SLC27A5: variants seen among roughly 807,000 people sequenced by gnomAD.
The protein encoded by SLC27A5 is long-chain fatty acid transport protein 5.
In SLC27A5, 47 loss-of-function variants were observed where a neutral mutation model predicts 63.1. That is an observed-to-expected ratio of 0.74 (90% CI 0.59 to 0.95). The LOEUF is 0.95. SLC27A5 is among the 40% of genes least tolerant of loss of function. SLC27A5 has a pLI of 0.00. For missense variants in SLC27A5, 940 were observed against 921.0 expected, an observed-to-expected ratio of 1.02 and a Z score of -0.27; for synonymous variants, 391 against 403.8, an observed-to-expected ratio of 0.97 and a Z score of 0.38.
At chr19:58,509,611 G>C (rs1465273255) in intron 3 of SLC27A5, 1 of 415,208 alleles carries the variant, frequency 2.4e-6, no homozygotes, top group Non-Finnish European at 4.3e-6. Flanking sequence ...GGATGCCTGT[G>C]ACCATCACTC....
intron 1 of SLC27A5, 123 bp from the exon 2 acceptor site, chr19:58,511,053 G>T: frequency 3.1e-6 from 3 of 962,664 alleles, no homozygotes; most frequent in East Asian, 2.6e-5. Context: ...CATGTTGTTT[G>T]GTAAAGAATC....
intron 3 of SLC27A5, among the ~76,000 whole-genome samples, chr19:58,505,985 T>G (rs946896800): frequency 1.4e-4 from 21 of 150,682 alleles, no homozygotes; most frequent in Non-Finnish European, 2.4e-4. Context: ...ACCCTGTCTC[T>G]ACTAAAAATA....
chr19:58,511,009 G>T, intron 1 of SLC27A5, 79 bp from the exon 2 acceptor site: 3 of 1,178,614 alleles, frequency 2.5e-6, no homozygotes, highest in South Asian at 1.6e-5. Flanking sequence ...ACCCACAGAT[G>T]CAGGCAGAGG....
rs559467414 is a variant in SLC27A5 at position 58,510,806 on chromosome 19, C to T, written c.813G>A (p.Ala271=). 47 of 1,613,446 alleles carry T rather than the reference C, an allele frequency of 2.9e-5. No homozygotes were observed. The highest frequency in any genetic ancestry group is 1.9e-4 in the African/African-American group (14 of 75,004). ...VGALGAALDA[A]PSHPVPADLR... is the part of the protein sequence containing the mutation. ...GGTCAGCAGGCACTGGGTGGGAGGG[C>T]GCTGCATCCAGGGCAGCCCCCAGAG... The change falls in exon 2 of 10, where the codon GCG becomes GCA. Residue 271 remains alanine (A), a synonymous_variant. Transcript: ENST00000263093.
chr19:58,504,861 C>T (rs1221520937), intron 3 of SLC27A5, among the ~76,000 whole-genome samples: 1 of 151,594 alleles, frequency 6.6e-6, no homozygotes, highest in Non-Finnish European at 1.5e-5. Flanking sequence ...AAAAAAATAG[C>T]CAGGCGTGGT....
chr19:58,499,751 T>C lies in SLC27A5; in HGVS notation c.1469-61A>G, dbSNP rs1189139076. The C allele has an allele frequency of 4.5e-6, 7 of 1,539,936 alleles. No homozygotes were observed. The African/African-American group carries it at 6.9e-5, about 15-fold the overall frequency. Reference sequence around the variant, plus strand: ...CACCAGCCAAGCCCCCTGCTGGAGGTTTTCAACAACGGTGGACTCTTCATC... The same window carrying C: ...CACCAGCCAAGCCCCCTGCTGGAGGCTTTCAACAACGGTGGACTCTTCATC... On this transcript the variant is annotated intron_variant, in intron 6 of 9. Coordinates refer to ENST00000263093, the MANE Select transcript of SLC27A5 (RefSeq NM_012254.3).
At chr19:58,507,128 G>A (rs2122516679) in intron 3 of SLC27A5, among the ~76,000 whole-genome samples, 1 of 152,074 alleles carries the variant, frequency 6.6e-6, no homozygotes, top group South Asian at 2.1e-4. Context: ...GGAGGCTGAG[G>A]TGGGTGGATC....
rs1484403213 is a variant in SLC27A5 at position 58,511,708 on chromosome 19, C to G, written c.248G>C (p.Gly83Ala). ...LTLLPARLPPGLRWLPADVIF... is the reference protein window; with the variant it reads ...LTLLPARLPPALRWLPADVIF... ...CACATCAGCCGGCAGCCAGCGTAGT[C>G]CTGGGGGCAGCCGTGCTGGCAGGAG... The change falls in exon 1 of 10, where the codon GGA (glycine) becomes GCA (alanine). Residue 83 changes from glycine (G) to alanine (A), a missense_variant. Coordinates refer to ENST00000263093, the MANE Select transcript of SLC27A5 (RefSeq NM_012254.3). 1 of 1,562,352 alleles carries G rather than the reference C, an allele frequency of 6.4e-7. No homozygotes were observed. Among genetic ancestry groups the G allele is most frequent in the East Asian group, 2.4e-5 (1 of 42,214 alleles).
chr19:58,509,941 T>G lies in SLC27A5; in HGVS notation c.963A>C (p.Leu321Phe). Residue 321 changes from leucine (L) to phenylalanine (F), a missense_variant, in exon 3 of 10, where the codon TTA becomes TTC. Transcript: ENST00000263093. ...RVLQMSKMLS[L>F]SGATADDVVY... Reference sequence around the variant, plus strand: ...CCACATCATCAGCTGTGGCCCCAGATAAGGACAGCATCTTGCTCATCTGCA... The same window carrying G: ...CCACATCATCAGCTGTGGCCCCAGAGAAGGACAGCATCTTGCTCATCTGCA... The G allele has an allele frequency of 6.2e-7, 1 of 1,614,056 alleles. No homozygotes were observed. Among genetic ancestry groups the G allele is most frequent in the South Asian group, 1.1e-5 (1 of 91,080 alleles).
At chr19:58,502,641 TAGTG>T in intron 3 of SLC27A5, among the ~76,000 whole-genome samples, 1 of 119,852 alleles carries the variant, frequency 8.3e-6, no homozygotes, top group Admixed American at 8.7e-5. Context: ...GTGGACAGAG[TAGTG>T]AGTGAGAAGA....
chr19:58,510,222 A>G, intron 2 of SLC27A5: 1 of 503,860 alleles, frequency 2.0e-6, no homozygotes, highest in Middle Eastern at 5.2e-4. Context: ...TACTGGACAC[A>G]GGAAGAATTC....
In SLC27A5 at chr19:58,511,911, G is replaced by GAGTAGC; in HGVS notation, c.44_45insGCTACT (p.Leu16_Leu17dup). On this transcript the variant is annotated inframe_insertion, in exon 1 of 10. Transcript: ENST00000263093. ...CTGGCTGCCCCAGGCCCCAGAGCAG[G>GAGTAGC]AGCAGCAGCAGCAGCAGCAAGGCCA... 6.5e-7 allele frequency: 1 copy of GAGTAGC among 1,546,920 alleles called. No homozygotes were observed. Among genetic ancestry groups the GAGTAGC allele is most frequent in the African/African-American group, 1.4e-5 (1 of 73,142 alleles).
intron 3 of SLC27A5, among the ~76,000 whole-genome samples, chr19:58,502,550 A>G (rs1055717469): frequency 1.3e-5 from 1 of 74,134 alleles, no homozygotes; most frequent in African/African-American, 3.8e-5. Context: ...GTAGTGAGTG[A>G]GTGGATGGAT....
chr19:58,506,861 A>T (rs2053353601), intron 3 of SLC27A5, among the ~76,000 whole-genome samples: 1 of 151,802 alleles, frequency 6.6e-6, no homozygotes, highest in South Asian at 2.1e-4. Context: ...CAGTGGCCTC[A>T]GCTTCCCAAA....
intron 1 of SLC27A5, 84 bp from the exon 2 acceptor site, chr19:58,511,014 C>A: frequency 8.8e-7 from 1 of 1,139,178 alleles, no homozygotes; most frequent in East Asian, 2.5e-5. Flanking sequence ...CAGATGCAGG[C>A]AGAGGAGCAG....
chr19:58,504,574 G>GGGC (rs1491146072), intron 3 of SLC27A5, among the ~76,000 whole-genome samples: 5 of 2,386 alleles, frequency 2.1e-3, no homozygotes, highest in African/African-American at 3.8e-3. Context: ...ATTGAACCCT[G>GGGC]GGGGGGGGGG....
chr19:58,499,254 C>T (rs373204518), intron 7 of SLC27A5, 34 bp from the exon 8 acceptor site: 1 of 1,601,472 alleles, frequency 6.2e-7, no homozygotes, highest in Non-Finnish European at 8.5e-7. Flanking sequence ...GTGACCACGC[C>T]CCCGGGAAGG....
At chr19:58,510,618 G>A (rs1464135094) in intron 2 of SLC27A5, 103 bp downstream of exon 2, 2 of 994,498 alleles carry the variant, frequency 2.0e-6, no homozygotes, top group African/African-American at 1.7e-5. Flanking sequence ...AAAATCAGAG[G>A]GTAAAGTGGT....
chr19:58,500,733 G>T (rs777369677), intron 4 of SLC27A5, 27 bp from the exon 5 acceptor site: 1 of 1,601,720 alleles, frequency 6.2e-7, no homozygotes, highest in Non-Finnish European at 8.5e-7. Context: ...AGAAGGGTGA[G>T]GAGGAGGTGC....
Sources: allele counts gnomAD v4.1 joint callset (sites outside exome capture counted in the v4.1 genomes callset), GRCh38; gene constraint gnomAD v4.1.1; transcripts MANE v1.5; gene names NCBI Gene and HGNC (gene_info 2026-07-23, HGNC 2026-07-21).